CDK14: variants seen among roughly 807,000 people sequenced by gnomAD.
The protein encoded by CDK14 is cyclin dependent kinase 14.
A neutral mutation model predicts 60.7 loss-of-function variants in CDK14; 34 were observed. The observed-to-expected ratio is 0.56, with a 90% CI of 0.43 to 0.75. The LOEUF (loss-of-function observed/expected upper bound fraction) is 0.75, where lower values mean the gene tolerates loss of function less well. CDK14 is among the 30% of genes least tolerant of loss of function. The pLI, the probability that CDK14 is intolerant of heterozygous loss-of-function variation, is 0.00. For synonymous variants in CDK14, 197 were observed against 203.7 expected, an observed-to-expected ratio of 0.97 and a Z score of 0.28; for missense variants, 482 against 564.1, an observed-to-expected ratio of 0.85 and a Z score of 1.47.
chr7:91,005,069 C>G (rs769362315), intron 10 of CDK14, among the ~76,000 whole-genome samples: 5 of 152,200 alleles, frequency 3.3e-5, no homozygotes, highest in Non-Finnish European at 7.3e-5. Context: ...TGGGCCAGAT[C>G]TGGCCCATAG....
intron 4 of CDK14, among the ~76,000 whole-genome samples, chr7:90,762,027 A>G (rs1804334733): frequency 6.6e-6 from 1 of 152,202 alleles, no homozygotes; most frequent in Non-Finnish European, 1.5e-5. Flanking sequence ...GAGCTGAGGA[A>G]GAATTAAGAC....
In CDK14 at chr7:90,790,672, G is replaced by A; in HGVS notation, c.544+20G>A. 3.9e-6 allele frequency: 6 copies of A among 1,557,378 alleles called. No homozygotes were observed. Among genetic ancestry groups the A allele is most frequent in the Non-Finnish European group, 5.3e-6 (6 of 1,131,124 alleles). ...GGGAAGGTAGGCACTTTTCCTTGTT[G>A]ATATTGCTTTTGTGTTTCTATGGTC... On this transcript the variant is annotated intron_variant, in intron 5 of 14. Transcript: ENST00000380050.
intron 8 of CDK14, among the ~76,000 whole-genome samples, chr7:90,936,041 TAA>T (rs11444141): frequency 6.8e-6 from 1 of 146,240 alleles, no homozygotes; most frequent in Admixed American, 6.9e-5. Flanking sequence ...GACCCTGTCT[TAA>T]AAAAAAAAAG....
At chr7:91,064,997 G>A (rs1186840194) in intron 11 of CDK14, among the ~76,000 whole-genome samples, 1 of 150,962 alleles carries the variant, frequency 6.6e-6, no homozygotes, top group African/African-American at 2.4e-5. Flanking sequence ...CCTCATCTGG[G>A]AACATGCATT....
At chr7:91,143,947 A>AGGTCATG (rs1800544219) in intron 14 of CDK14, among the ~76,000 whole-genome samples, 1 of 152,178 alleles carries the variant, frequency 6.6e-6, no homozygotes, top group Admixed American at 6.5e-5. Flanking sequence ...AGCTAGAAAG[A>AGGTCATG]GGTCATGTTG....
chr7:90,802,551 GT>G (rs1788682371), intron 5 of CDK14, among the ~76,000 whole-genome samples: 1 of 152,150 alleles, frequency 6.6e-6, no homozygotes, highest in Non-Finnish European at 1.5e-5. Context: ...CCAGGGCCTG[GT>G]TTCTGAAGCC....
intron 2 of CDK14, among the ~76,000 whole-genome samples, chr7:90,711,726 G>A (rs1385840798): frequency 6.6e-6 from 1 of 151,956 alleles, no homozygotes; most frequent in Non-Finnish European, 1.5e-5. Flanking sequence ...CCTGGAATAC[G>A]CCCCATTATA....
At chr7:91,096,086 A>AAAAC (rs1554426519) in intron 12 of CDK14, among the ~76,000 whole-genome samples, 3 of 150,950 alleles carry the variant, frequency 2.0e-5, no homozygotes, top group Non-Finnish European at 4.4e-5. Flanking sequence ...AAAAAAAAAA[A>AAAAC]AACAGTTATC....
At chr7:91,196,704 A>G (rs1584203103) in intron 14 of CDK14, among the ~76,000 whole-genome samples, 1 of 152,344 alleles carries the variant, frequency 6.6e-6, no homozygotes, top group East Asian at 1.9e-4. Context: ...TTAGAGCAGA[A>G]TGTGATTGAC....
chr7:91,196,216 GT>G (rs1307588853), intron 14 of CDK14, among the ~76,000 whole-genome samples: 3 of 152,158 alleles, frequency 2.0e-5, no homozygotes, highest in South Asian at 4.1e-4. Context: ...GAGTAGAATA[GT>G]CCTGATTGGT....
chr7:90,706,839 G>A (rs13239812), intron 2 of CDK14, among the ~76,000 whole-genome samples: 4,794 of 152,256 alleles, frequency 0.031, 94 homozygotes, highest in Non-Finnish European at 0.049. Context: ...GTGAACAGAA[G>A]TCCTTCCCGT....
At chr7:90,711,670 T>A (rs1040277689) in intron 2 of CDK14, among the ~76,000 whole-genome samples, 12 of 152,220 alleles carry the variant, frequency 7.9e-5, no homozygotes, top group African/African-American at 2.9e-4. Flanking sequence ...GATGAAACAG[T>A]ACATTTTCCT....
chr7:90,800,854 T>G (rs570144441), intron 5 of CDK14, among the ~76,000 whole-genome samples: 1 of 152,280 alleles, frequency 6.6e-6, no homozygotes, highest in South Asian at 2.1e-4. Context: ...TTCTTGCTAG[T>G]TTTTTCCTAG....
At chr7:91,155,953 G>A (rs565321703) in intron 14 of CDK14, among the ~76,000 whole-genome samples, 1 of 152,208 alleles carries the variant, frequency 6.6e-6, no homozygotes, top group African/African-American at 2.4e-5. Flanking sequence ...GGTAAAACCT[G>A]GAAAGACATT....
At position 91,041,312 on chromosome 7, in the gene CDK14, A is replaced by T. The variant is rs116051454; in HGVS notation, c.1042-4585A>T. On this transcript the variant is annotated intron_variant, in intron 10 of 14. Coordinates refer to ENST00000380050, the MANE Select transcript of CDK14 (RefSeq NM_001287135.2). ...TTTGGCATTTGCTATTTGTTACCAT[A>T]TGTGTGCTGAAGAGTTCCAAATGTT... Among the ~76,000 whole-genome samples the T allele has an allele frequency of 4.4e-3, 663 of 152,096 alleles. 4 individuals carry two copies. Among genetic ancestry groups the T allele is most frequent in the African/African-American group, 0.015 (639 of 41,484 alleles).
At chr7:90,819,781 C>A (rs929190529) in intron 5 of CDK14, among the ~76,000 whole-genome samples, 2 of 152,130 alleles carry the variant, frequency 1.3e-5, no homozygotes, top group South Asian at 2.1e-4. Flanking sequence ...GAATTATCAT[C>A]TTTTAGACAA....
rs574546938 is a variant in CDK14 at position 90,958,551 on chromosome 7, CT to C, written c.947+2741del. Among the ~76,000 whole-genome samples the C allele has an allele frequency of 4.9e-4, 75 of 152,116 alleles. 1 individual carries two copies. The highest frequency in any genetic ancestry group is 1.8e-3 in the African/African-American group (73 of 41,532). On this transcript the variant is annotated intron_variant, in intron 9 of 14. Transcript: ENST00000380050. ...GGGATGGTTGTTTACACAGTTAGAT[CT>C]TTTTTTCCCAACACAGGGATTTGGG...
intron 2 of CDK14, among the ~76,000 whole-genome samples, chr7:90,668,101 AT>A (rs1801022798): frequency 6.6e-6 from 1 of 152,154 alleles, no homozygotes; most frequent in Admixed American, 6.5e-5. Flanking sequence ...CTGCACAATC[AT>A]TTTCCAAAGT....
intron 10 of CDK14, among the ~76,000 whole-genome samples, chr7:90,997,699 GA>G (rs558428702): frequency 1.8e-4 from 28 of 152,238 alleles, no homozygotes; most frequent in Non-Finnish European, 3.5e-4. Context: ...CTTTTTGGGA[GA>G]ATAATATTAG....
Sources: allele counts gnomAD v4.1 joint callset (sites outside exome capture counted in the v4.1 genomes callset), GRCh38; gene constraint gnomAD v4.1.1; transcripts MANE v1.5; gene names NCBI Gene and HGNC (gene_info 2026-07-23, HGNC 2026-07-21).